The following ZRANB3 variants were observed in gnomAD, a reference collection of about 807,000 sequenced individuals.
ZRANB3 encodes zinc finger RANBP2-type containing 3, also known as DNA annealing helicase and endonuclease ZRANB3.
A neutral mutation model predicts 133.8 loss-of-function variants in ZRANB3; 125 were observed. That is an observed-to-expected ratio of 0.93 (90% CI 0.81 to 1.08). ZRANB3 has a LOEUF of 1.08. ZRANB3 is among the 50% of genes least tolerant of loss of function. The pLI is 0.00. For synonymous variants in ZRANB3, 387 were observed against 432.7 expected, an observed-to-expected ratio of 0.89 and a Z score of 1.31; for missense variants, 1,229 against 1,275.5, an observed-to-expected ratio of 0.96 and a Z score of 0.56.
At chr2:135,415,455 G>A (rs1259998398) in intron 2 of ZRANB3, among the ~76,000 whole-genome samples, 2 of 152,208 alleles carry the variant, frequency 1.3e-5, no homozygotes, top group East Asian at 3.9e-4. Context: ...TGAAATTGTG[G>A]CAATAATCAA....
chr2:135,437,500 G>A (rs1319452251), intron 2 of ZRANB3, among the ~76,000 whole-genome samples: 1 of 152,088 alleles, frequency 6.6e-6, no homozygotes, highest in East Asian at 1.9e-4. Flanking sequence ...TCCTGGATTT[G>A]GGCAATACAT....
chr2:135,426,664 C>T (rs889076548), intron 2 of ZRANB3, among the ~76,000 whole-genome samples: 3 of 149,536 alleles, frequency 2.0e-5, no homozygotes, highest in African/African-American at 7.4e-5. Context: ...TCAATCTCTA[C>T]TAAAAAATAC....
chr2:135,275,055 C>A (rs1434179676), intron 9 of ZRANB3, among the ~76,000 whole-genome samples: 4 of 152,274 alleles, frequency 2.6e-5, no homozygotes, highest in Admixed American at 2.6e-4. Context: ...AATCTGATTT[C>A]TCTATCTTTT....
In ZRANB3 at chr2:135,407,708, A is replaced by C. The variant is rs532950867; in HGVS notation, c.162-16888T>G. 3.2e-3 allele frequency among the ~76,000 whole-genome samples: 491 copies of C among 152,024 alleles called. 3 individuals are homozygous for C. Among genetic ancestry groups the C allele is most frequent in the African/African-American group, 0.011 (465 of 41,310 alleles). On this transcript the variant is annotated intron_variant, in intron 2 of 20. Coordinates refer to ENST00000264159, the MANE Select transcript of ZRANB3 (RefSeq NM_032143.4). The stretch of plus-strand genomic sequence containing the variant: ...TCTGATCTTTGACAAACCTGACAAA[A>C]ACAATAAATGGGGAAAGGATTCCCT...
At chr2:135,427,435 C>A (rs1420298746) in intron 2 of ZRANB3, among the ~76,000 whole-genome samples, 2 of 152,004 alleles carry the variant, frequency 1.3e-5, no homozygotes, top group African/African-American at 4.8e-5. Context: ...AAGCTGAGTG[C>A]CAAATCAAGA....
chr2:135,369,915 C>A (rs1686094700), intron 3 of ZRANB3, among the ~76,000 whole-genome samples: 1 of 152,014 alleles, frequency 6.6e-6, no homozygotes, highest in South Asian at 2.1e-4. Context: ...ACAATAGTAT[C>A]ATAGACTTTA....
rs149671601 is a variant in ZRANB3 at position 135,405,990 on chromosome 2, T to C, written c.162-15170A>G. Among the ~76,000 whole-genome samples the C allele has an allele frequency of 3.9e-3, 594 of 151,926 alleles. 4 individuals are homozygous for C. Among genetic ancestry groups the C allele is most frequent in the African/African-American group, 0.014 (570 of 41,430 alleles). ...AAGATCAGAGTAGAACTGAAGGACA[T>C]AGACACACAAAAAACCCTTCAAAAA... On this transcript the variant is annotated intron_variant, in intron 2 of 20. Coordinates refer to ENST00000264159, the MANE Select transcript of ZRANB3 (RefSeq NM_032143.4).
At chr2:135,266,629 G>T (rs1475933315) in intron 11 of ZRANB3, among the ~76,000 whole-genome samples, 1 of 152,028 alleles carries the variant, frequency 6.6e-6, no homozygotes, top group Non-Finnish European at 1.5e-5. Flanking sequence ...GCTGGGCGTG[G>T]TGGCGGGCGC....
chr2:135,206,006 A>C (rs936573441), intron 19 of ZRANB3, among the ~76,000 whole-genome samples: 6 of 152,190 alleles, frequency 3.9e-5, no homozygotes, highest in African/African-American at 1.4e-4. Flanking sequence ...TAGATCTTAC[A>C]ATTCTTACTG....
Position 135,312,157 on chromosome 2 carries a change from T to A in ZRANB3, c.966+1332A>T, listed in dbSNP as rs944152100. ...TATTATTTTATTTTATTTTATTTTA[T>A]TTTTATTTTATTTTATTTTATTTTA... On this transcript the variant is annotated intron_variant, in intron 8 of 20. Coordinates refer to ENST00000264159, the MANE Select transcript of ZRANB3 (RefSeq NM_032143.4). Among the ~76,000 whole-genome samples the A allele has an allele frequency of 8.8e-4, 84 of 95,092 alleles. 1 individual carries two copies. Among genetic ancestry groups the A allele is most frequent in the Middle Eastern group, 0.011 (2 of 180 alleles). The allele number at this position is 95,092 out of a possible 152,430, so 62.4% of individuals were successfully genotyped here.
chr2:135,362,663 T>C (rs1685745670), intron 3 of ZRANB3, among the ~76,000 whole-genome samples: 1 of 152,112 alleles, frequency 6.6e-6, no homozygotes, highest in Admixed American at 6.6e-5. Context: ...CCCTTTTTAT[T>C]TTTTTTCCTA....
intron 18 of ZRANB3, among the ~76,000 whole-genome samples, chr2:135,208,169 A>G (rs993572063): frequency 7.9e-5 from 12 of 152,172 alleles, no homozygotes; most frequent in African/African-American, 2.9e-4. Flanking sequence ...GGCTAATGTA[A>G]AACCCCAACC....
intron 2 of ZRANB3, among the ~76,000 whole-genome samples, chr2:135,403,174 C>T (rs112078547): frequency 1.8e-4 from 28 of 152,306 alleles, no homozygotes; most frequent in African/African-American, 4.8e-4. Context: ...ACACGGGAAC[C>T]GCAAGGAGTC....
rs561883787 is a variant in ZRANB3 at position 135,406,595 on chromosome 2, C to A, written c.162-15775G>T. ...CAATAAAATACTGGCAAACCGAATC[C>A]AGCAGCACATCAAAAAGCTTATCCA... On this transcript the variant is annotated intron_variant, in intron 2 of 20. Coordinates refer to ENST00000264159, the MANE Select transcript of ZRANB3 (RefSeq NM_032143.4). Among the ~76,000 whole-genome samples the A allele has an allele frequency of 2.0e-3, 297 of 152,230 alleles. 1 individual carries two copies. The highest frequency in any genetic ancestry group is 7.0e-3 in the African/African-American group (290 of 41,544).
intron 2 of ZRANB3, among the ~76,000 whole-genome samples, chr2:135,407,455 A>G (rs1342049833): frequency 2.0e-5 from 3 of 150,888 alleles, no homozygotes; most frequent in African/African-American, 7.4e-5. Flanking sequence ...CTTTCTTCAC[A>G]GAATTGGAAA....
intron 4 of ZRANB3, among the ~76,000 whole-genome samples, chr2:135,353,061 G>C (rs1685279688): frequency 6.6e-6 from 1 of 152,022 alleles, no homozygotes; most frequent in Non-Finnish European, 1.5e-5. Flanking sequence ...TAACAAATTG[G>C]AAAGCAAAAT....
chr2:135,378,648 G>T (rs1000683843), intron 3 of ZRANB3, among the ~76,000 whole-genome samples: 2 of 152,182 alleles, frequency 1.3e-5, no homozygotes. Flanking sequence ...CCTTAAGCCA[G>T]GTGATTGGGA....
chr2:135,266,152 T>C (rs895111017), intron 11 of ZRANB3, among the ~76,000 whole-genome samples: 2 of 151,960 alleles, frequency 1.3e-5, no homozygotes, highest in Admixed American at 1.3e-4. Context: ...GAGGTTGCAG[T>C]GAGCTGAGAT....
chr2:135,458,123 A>G (rs1690607201), intron 2 of ZRANB3, among the ~76,000 whole-genome samples: 1 of 152,110 alleles, frequency 6.6e-6, no homozygotes, highest in Non-Finnish European at 1.5e-5. Flanking sequence ...TGAGTTAACT[A>G]TTGTTGCGGC....
Sources: allele counts gnomAD v4.1 joint callset (sites outside exome capture counted in the v4.1 genomes callset), GRCh38; gene constraint gnomAD v4.1.1; transcripts MANE v1.5; gene names NCBI Gene and HGNC (gene_info 2026-07-23, HGNC 2026-07-21).